Variants in CNTN5 observed in about 807,000 individuals in gnomAD.
The protein encoded by CNTN5 is contactin 5.
Under a neutral mutation model 129.1 loss-of-function variants are expected in CNTN5, and 77 were observed. That is an observed-to-expected ratio of 0.60 (90% confidence interval 0.50 to 0.72). The LOEUF is 0.72. Among genes scored for constraint, CNTN5 ranks in the 30% least tolerant of loss-of-function variants. CNTN5 has a pLI of 0.00. For synonymous variants in CNTN5, 509 were observed against 465.6 expected (o/e 1.09, Z -1.20); for missense variants, 1,478 against 1,328.8 (o/e 1.11, Z -1.75).
rs149275600 is a variant in CNTN5 at position 99,353,534 on chromosome 11, A to G, written c.-71+28050A>G. ...ATAATTTTGAGACTGATGGAGTGCA[A>G]ACAATCCAGTTGCTACTATCTCCAG... On this transcript the variant is annotated intron_variant, in intron 2 of 24. Coordinates refer to ENST00000524871, the MANE Select transcript of CNTN5 (RefSeq NM_014361.4). Among the ~76,000 whole-genome samples the G allele has an allele frequency of 3.3e-5, 5 of 152,298 alleles. No homozygotes were observed. The East Asian group carries it at 7.7e-4, about 23-fold the overall frequency.
At chr11:99,068,417 G>A (rs772031371) in intron 1 of CNTN5, among the ~76,000 whole-genome samples, 22 of 152,142 alleles carry the variant, frequency 1.4e-4, no homozygotes, top group Non-Finnish European at 2.5e-4. Context: ...ACTAAGATAT[G>A]GGTTCAATTC....
intron 3 of CNTN5, among the ~76,000 whole-genome samples, chr11:99,662,532 T>A (rs1952632833): frequency 6.6e-6 from 1 of 152,212 alleles, no homozygotes; most frequent in Non-Finnish European, 1.5e-5. Context: ...TTTCTTCACA[T>A]TTTCTCTTTG....
At chr11:99,202,990 AAGAG>A (rs1289899353) in intron 1 of CNTN5, among the ~76,000 whole-genome samples, 4 of 151,870 alleles carry the variant, frequency 2.6e-5, no homozygotes, top group South Asian at 2.1e-4. Context: ...GAATGAAAGA[AAGAG>A]AGAGAAGAAA....
intron 1 of CNTN5, among the ~76,000 whole-genome samples, chr11:99,216,956 A>C (rs1043960882): frequency 9.2e-5 from 14 of 152,106 alleles, no homozygotes; most frequent in Admixed American, 9.2e-4. Flanking sequence ...AGGCCGAGGC[A>C]GGCAAATCGT....
At chr11:100,235,672 T>C (rs1045532854) in intron 16 of CNTN5, among the ~76,000 whole-genome samples, 2 of 152,156 alleles carry the variant, frequency 1.3e-5, no homozygotes, top group South Asian at 2.1e-4. Flanking sequence ...CTGGGAACCA[T>C]GGGTTATGGA....
intron 9 of CNTN5, among the ~76,000 whole-genome samples, chr11:100,034,253 C>T (rs6590546): frequency 0.31 from 47,388 of 151,900 alleles, 7,737 homozygotes; most frequent in East Asian, 0.47. Context: ...TTATAAATAC[C>T]AAACACTTTA....
chr11:99,661,961 G>A (rs1176862431), intron 3 of CNTN5, among the ~76,000 whole-genome samples: 2 of 152,060 alleles, frequency 1.3e-5, no homozygotes, highest in Non-Finnish European at 2.9e-5. Context: ...AGACTATCAT[G>A]AGAGCAATAG....
chr11:100,067,454 C>T (rs1218753656), intron 10 of CNTN5, among the ~76,000 whole-genome samples: 1 of 147,964 alleles, frequency 6.8e-6, no homozygotes, highest in African/African-American at 2.5e-5. Context: ...CAAGTGACAT[C>T]ACCAAGTTAT....
chr11:99,305,990 A>G (rs1047045699), intron 1 of CNTN5, among the ~76,000 whole-genome samples: 16 of 152,066 alleles, frequency 1.1e-4, no homozygotes, highest in African/African-American at 3.9e-4. Context: ...CAAAAAAAAA[A>G]GAAAAAAAAT....
intron 2 of CNTN5, among the ~76,000 whole-genome samples, chr11:99,408,062 GC>G (rs1328410987): frequency 6.6e-6 from 1 of 152,102 alleles, no homozygotes; most frequent in Non-Finnish European, 1.5e-5. Context: ...TTACAAAGGT[GC>G]TTTTTTCTGT....
intron 6 of CNTN5, among the ~76,000 whole-genome samples, chr11:99,901,933 AT>A (rs1447944932): frequency 2.0e-5 from 3 of 152,146 alleles, no homozygotes; most frequent in African/African-American, 7.2e-5. Context: ...CCTGACAATC[AT>A]TTTGAGGTAG....
At chr11:100,191,286 T>G in intron 14 of CNTN5, 33 bp downstream of exon 14, 1 of 1,590,380 alleles carries the variant, frequency 6.3e-7, no homozygotes, top group Non-Finnish European at 8.6e-7. Context: ...TTTACAAGCA[T>G]AGTCTCATGG....
chr11:99,572,359 G>T (rs1949202697), intron 3 of CNTN5, among the ~76,000 whole-genome samples: 1 of 152,232 alleles, frequency 6.6e-6, no homozygotes, highest in Non-Finnish European at 1.5e-5. Context: ...TGCATTTAAA[G>T]CCATCCTGTG....
chr11:99,072,294 A>T (rs12420233), intron 1 of CNTN5, among the ~76,000 whole-genome samples: 4,149 of 152,164 alleles, frequency 0.027, 92 homozygotes, highest in East Asian at 0.06. Context: ...AAAAAAATAG[A>T]TAAGGTAATT....
intron 2 of CNTN5, among the ~76,000 whole-genome samples, chr11:99,432,557 T>C (rs1387416516): frequency 6.6e-6 from 1 of 151,480 alleles, no homozygotes; most frequent in African/African-American, 2.4e-5. Flanking sequence ...GGTAGTATAT[T>C]GAGAACATGT....
rs971169801 is a variant in CNTN5, at chr11:99,036,440, C to T, written c.-210+15170C>T. ...GGGTAGCTACATAACAAAAATGTATCTAATTTTTAATAGAGTACTTTTGAT... is the reference window on the plus strand; with the variant it reads ...GGGTAGCTACATAACAAAAATGTATTTAATTTTTAATAGAGTACTTTTGAT... On this transcript the variant is annotated intron_variant, in intron 1 of 24. Coordinates refer to ENST00000524871, the MANE Select transcript of CNTN5 (RefSeq NM_014361.4). Among the ~76,000 whole-genome samples, 3 of 151,820 alleles carry T rather than the reference C, an allele frequency of 2.0e-5. No individual in the cohort carries two copies. The South Asian group carries it at 6.2e-4, about 32-fold the overall frequency.
chr11:100,345,496 A>C (rs991817568), intron 23 of CNTN5, among the ~76,000 whole-genome samples: 6 of 152,124 alleles, frequency 3.9e-5, no homozygotes, highest in African/African-American at 1.4e-4. Flanking sequence ...ACTCGATTTC[A>C]GACATTGAGG....
chr11:99,797,136 T>G (rs983619715), intron 3 of CNTN5, among the ~76,000 whole-genome samples: 1 of 152,140 alleles, frequency 6.6e-6, no homozygotes, highest in Non-Finnish European at 1.5e-5. Context: ...ATCACATTTC[T>G]TAATGCAATC....
At chr11:99,214,122 A>C (rs1183125578) in intron 1 of CNTN5, among the ~76,000 whole-genome samples, 1 of 152,090 alleles carries the variant, frequency 6.6e-6, no homozygotes, top group African/African-American at 2.4e-5. Context: ...CACACCTGAA[A>C]GTGACAATGA....
Sources: gnomAD v4.1 joint callset for allele counts (sites outside exome capture counted in the v4.1 genomes callset) on GRCh38, gnomAD v4.1.1 for gene constraint, MANE v1.5 for transcripts, NCBI Gene and HGNC (gene_info 2026-07-23, HGNC 2026-07-21) for gene names.